SGIP1: variants seen among roughly 807,000 people sequenced by gnomAD.
SGIP1 encodes SH3GL interacting endocytic adaptor 1.
SGIP1 carries 38 observed loss-of-function variants against 107.5 expected under a neutral mutation model. That is an observed-to-expected ratio of 0.35 (90% CI 0.27 to 0.46). The LOEUF (loss-of-function observed/expected upper bound fraction) is 0.46. Ranked by LOEUF, SGIP1 falls within the 20% of genes least tolerant of loss-of-function variation. The pLI, the probability that SGIP1 is intolerant of heterozygous loss-of-function variation, is 1.00. For missense variants in SGIP1, 929 were observed against 1,019.5 expected (o/e 0.91, Z 1.21); for synonymous variants, 365 against 366.1 (o/e 1.00, Z 0.03).
chr1:66,636,989 A>G (rs1003345695), intron 4 of SGIP1, among the ~76,000 whole-genome samples: 1 of 152,172 alleles, frequency 6.6e-6, no homozygotes, highest in African/African-American at 2.4e-5. Context: ...AATAATAATC[A>G]TATTCAAGTT....
At chr1:66,601,532 T>TGAGA (rs753130062) in intron 1 of SGIP1, among the ~76,000 whole-genome samples, 3 of 150,244 alleles carry the variant, frequency 2.0e-5, no homozygotes, top group South Asian at 4.2e-4. Context: ...TGTGTGTGTG[T>TGAGA]GAGAGAGAGA....
chr1:66,578,372 T>C (rs562087413), intron 1 of SGIP1, among the ~76,000 whole-genome samples: 1 of 152,336 alleles, frequency 6.6e-6, no homozygotes, highest in African/African-American at 2.4e-5. Flanking sequence ...GTTTATAAGC[T>C]GCTCGGGAAG....
At chr1:66,718,011 T>A (rs1003809813) in intron 18 of SGIP1, among the ~76,000 whole-genome samples, 1 of 152,080 alleles carries the variant, frequency 6.6e-6, no homozygotes, top group Non-Finnish European at 1.5e-5. Context: ...TAGATAACTG[T>A]TTGTTAAATT....
At chr1:66,576,513 T>C (rs2061085044) in intron 1 of SGIP1, among the ~76,000 whole-genome samples, 1 of 152,216 alleles carries the variant, frequency 6.6e-6, no homozygotes, top group African/African-American at 2.4e-5. Flanking sequence ...TAAGGATTTA[T>C]AGAGGTAATA....
intron 15 of SGIP1, chr1:66,684,005 C>T: frequency 1.3e-6 from 2 of 1,485,588 alleles, no homozygotes; most frequent in Non-Finnish European, 1.8e-6. Flanking sequence ...GCTTGAGCTA[C>T]CGCGCCCAGC....
chr1:66,722,707 C>G (rs1055300455), intron 19 of SGIP1, among the ~76,000 whole-genome samples: 1 of 152,128 alleles, frequency 6.6e-6, no homozygotes, highest in Non-Finnish European at 1.5e-5. Flanking sequence ...CCGTTATTAA[C>G]GTATTTTTTA....
chr1:66,639,902 A>G lies in SGIP1; in HGVS notation c.228+69A>G. 2.3e-6 allele frequency: 3 copies of G among 1,296,092 alleles called. No homozygotes were observed. The South Asian group carries it at 3.8e-5, about 16-fold the overall frequency. The allele number at this position is 1,296,092 out of a possible 1,614,324, so 80.3% of individuals were successfully genotyped here. A position where few individuals can be genotyped will look rare whatever the true frequency, so the allele number is the denominator to read the frequency against. ...TTTAAAAATGAGTTGAGGCATTCTT[A>G]TAATAGGACTTAGAAATAAGCGAAA... On this transcript the variant is annotated intron_variant, in intron 5 of 24. Transcript: ENST00000371037.
chr1:66,586,176 A>G (rs1379448349), intron 1 of SGIP1, among the ~76,000 whole-genome samples: 4 of 152,070 alleles, frequency 2.6e-5, no homozygotes, highest in Admixed American at 6.6e-5. Context: ...CCCATGATCA[A>G]TGTCTTCATA....
At chr1:66,574,821 T>C (rs2148654931) in intron 1 of SGIP1, among the ~76,000 whole-genome samples, 1 of 151,808 alleles carries the variant, frequency 6.6e-6, no homozygotes, top group East Asian at 1.9e-4. Flanking sequence ...CACATGTATA[T>C]GTGTGTATAT....
chr1:66,665,303 C>A (rs2082302560), intron 8 of SGIP1, among the ~76,000 whole-genome samples: 1 of 152,160 alleles, frequency 6.6e-6, no homozygotes, highest in South Asian at 2.1e-4. Context: ...GACATGAACC[C>A]ATCCTTTTTA....
intron 2 of SGIP1, among the ~76,000 whole-genome samples, chr1:66,631,535 A>G (rs1313937367): frequency 6.6e-6 from 1 of 152,100 alleles, no homozygotes; most frequent in African/African-American, 2.4e-5. Context: ...AAAAATATGC[A>G]CTCTGTCAAG....
At position 66,681,778 on chromosome 1, in the gene SGIP1, C is replaced by T. The variant is rs560864705; in HGVS notation, c.815-91C>T. 8.1e-6 allele frequency: 11 copies of T among 1,361,266 alleles called. No individual in the cohort carries two copies. The East Asian group carries it at 2.5e-4, about 31-fold the overall frequency. The allele number at this position is 1,361,266 out of a possible 1,614,324, so 84.3% of individuals were successfully genotyped here. A position where few individuals can be genotyped will look rare whatever the true frequency, so the allele number is the denominator to read the frequency against. On this transcript the variant is annotated intron_variant, in intron 14 of 24. Coordinates refer to ENST00000371037, the MANE Select transcript of SGIP1 (RefSeq NM_032291.4). Reference sequence around the variant, plus strand: ...TATGCCCACTGAGGCACCTCAGACACCAATGTATTTTCCAGTCTTTGCCTC... The same window carrying T: ...TATGCCCACTGAGGCACCTCAGACATCAATGTATTTTCCAGTCTTTGCCTC...
chr1:66,539,815 A>G (rs958074009), intron 1 of SGIP1, among the ~76,000 whole-genome samples: 2 of 152,112 alleles, frequency 1.3e-5, no homozygotes, highest in African/African-American at 4.8e-5. Context: ...GTCATCTCAA[A>G]CATATATCCT....
chr1:66,691,614 TTTTG>T (rs143001707), intron 17 of SGIP1, among the ~76,000 whole-genome samples: 24,903 of 151,982 alleles, frequency 0.16, 2,119 homozygotes, highest in East Asian at 0.28. Context: ...TTTCCCTCTG[TTTTG>T]TTTGTTTGTT....
At chr1:66,557,856 C>A (rs776845918) in intron 1 of SGIP1, among the ~76,000 whole-genome samples, 1 of 152,126 alleles carries the variant, frequency 6.6e-6, no homozygotes, top group Non-Finnish European at 1.5e-5. Flanking sequence ...AAGACACTTA[C>A]ACTTTGTGGA....
intron 18 of SGIP1, among the ~76,000 whole-genome samples, chr1:66,695,988 CAGAAAAATCGGGAAA>C (rs1186851041): frequency 6.6e-6 from 1 of 152,002 alleles, no homozygotes; most frequent in Non-Finnish European, 1.5e-5. Flanking sequence ...TATAAGAGAT[CAGAAAAATCGGGAAA>C]AGAAAAAAAG....
At chr1:66,606,535 G>T (rs1445414439) in intron 1 of SGIP1, among the ~76,000 whole-genome samples, 1 of 152,194 alleles carries the variant, frequency 6.6e-6, no homozygotes, top group Non-Finnish European at 1.5e-5. Context: ...AAGGTTCCAT[G>T]AGGGAGACAT....
At chr1:66,627,093 T>C (rs986515590) in intron 2 of SGIP1, among the ~76,000 whole-genome samples, 1 of 152,202 alleles carries the variant, frequency 6.6e-6, no homozygotes, top group Non-Finnish European at 1.5e-5. Flanking sequence ...ATATGGTACC[T>C]AATACTTAGT....
chr1:66,548,586 T>C (rs2056853668), intron 1 of SGIP1, among the ~76,000 whole-genome samples: 1 of 152,182 alleles, frequency 6.6e-6, no homozygotes, highest in Non-Finnish European at 1.5e-5. Context: ...CTTCAATTAT[T>C]TGATAGCCGT....
Sources: allele counts gnomAD v4.1 joint callset (sites outside exome capture counted in the v4.1 genomes callset), GRCh38; gene constraint gnomAD v4.1.1; transcripts MANE v1.5; gene names NCBI Gene and HGNC (gene_info 2026-07-23, HGNC 2026-07-21).